Variants in CACNA1H observed in about 807,000 individuals in gnomAD.
CACNA1H encodes calcium voltage-gated channel subunit alpha1 H.
CACNA1H carries 149 observed loss-of-function variants against 192.5 expected under a neutral mutation model. The observed-to-expected ratio is 0.77, with a 90% CI of 0.68 to 0.89. CACNA1H has a LOEUF of 0.89. Ranked by LOEUF, CACNA1H falls within the 40% of genes least tolerant of loss-of-function variation. CACNA1H has a pLI of 0.00. For missense variants in CACNA1H, 4,257 were observed against 3,423.5 expected (o/e 1.24, Z -6.08); for synonymous variants, 2,202 against 1,475.2 (o/e 1.49, Z -11.29).
chr16:1,186,926 C>T (rs868340345), intron 2 of CACNA1H, among the ~76,000 whole-genome samples: 23 of 152,268 alleles, frequency 1.5e-4, no homozygotes, highest in African/African-American at 5.3e-4. Flanking sequence ...GGGGTGGACA[C>T]GGACACAGGG....
At chr16:1,213,153 C>G (rs896434584) in intron 26 of CACNA1H, among the ~76,000 whole-genome samples, 1 of 152,228 alleles carries the variant, frequency 6.6e-6, no homozygotes, top group Admixed American at 6.5e-5. Flanking sequence ...CCGGCAGACC[C>G]TAGACCACAG....
chr16:1,170,122 C>G (rs1464895506), intron 2 of CACNA1H, among the ~76,000 whole-genome samples: 1 of 152,228 alleles, frequency 6.6e-6, no homozygotes, highest in African/African-American at 2.4e-5. Context: ...CTGGGGGGTG[C>G]AGGGTCTGCC....
At chr16:1,212,243 A>G (rs1051787518) in intron 25 of CACNA1H, 105 bp downstream of exon 25, 228 of 1,437,994 alleles carry the variant, frequency 1.6e-4, no homozygotes, top group Non-Finnish European at 2.1e-4. Flanking sequence ...ATGGCTCTGC[A>G]CGCCACCCGC....
chr16:1,205,185 G>A lies in CACNA1H; in HGVS notation c.2523G>A (p.Leu841=). 1 of 1,613,112 alleles carries A rather than the reference G, an allele frequency of 6.2e-7. No individual in the cohort carries two copies. The highest frequency in any genetic ancestry group is 8.5e-7 in the Non-Finnish European group (1 of 1,179,774). The part of the protein sequence containing the change: ...VFTSMFALEM[L]LKLLACGPLG... Reference sequence around the variant, plus strand: ...CCAGCATGTTTGCCCTGGAGATGCTGCTGAAGCTGCTGGCCTGCGGCCCTC... The same window carrying A: ...CCAGCATGTTTGCCCTGGAGATGCTACTGAAGCTGCTGGCCTGCGGCCCTC... Residue 841 remains leucine (L), a synonymous_variant, in exon 11 of 35, where the codon CTG becomes CTA. Transcript: ENST00000348261.
chr16:1,166,341 A>G (rs893750169), intron 2 of CACNA1H, among the ~76,000 whole-genome samples: 1 of 152,126 alleles, frequency 6.6e-6, no homozygotes. Context: ...GCTCCAGGCC[A>G]AGTAACGGTG....
rs374297068 is a variant in CACNA1H at position 1,210,564 on chromosome 16, C to A, written c.3970-19C>A. The A allele has an allele frequency of 1.1e-5, 18 of 1,609,916 alleles. No individual in the cohort carries two copies. The African/African-American group carries it at 2.4e-4, about 21-fold the overall frequency. On this transcript the variant is annotated intron_variant, in intron 19 of 34. Transcript: ENST00000348261. ...GAGGGGTGGAGTGGACACAGCCCCCCACCGTCCTCTCCCGGCAGGAGCGGG... is the reference window on the plus strand; with the variant it reads ...GAGGGGTGGAGTGGACACAGCCCCCAACCGTCCTCTCCCGGCAGGAGCGGG...
chr16:1,208,064 G>A lies in CACNA1H; in HGVS notation c.3206G>A (p.Arg1069Gln), dbSNP rs57633676. 1,623 of 1,605,378 alleles carry A rather than the reference G, an allele frequency of 1.0e-3. 11 individuals are homozygous for A. The African/African-American group carries it at 0.019, about 18-fold the overall frequency. ...ACCCCCAACGGGCACCTGGAGGGAC[G>A]AGGCAGCCTGTCCCCTCCCCTCATC... ...AVTPNGHLEGRGSLSPPLIMC... is the reference protein window; with the variant it reads ...AVTPNGHLEGQGSLSPPLIMC... The change falls in exon 16 of 35, where the codon CGA becomes CAA. Residue 1069 changes from arginine (R) to glutamine (Q), a missense_variant. Coordinates refer to ENST00000348261, the MANE Select transcript of CACNA1H (RefSeq NM_021098.3).
intron 33 of CACNA1H, 74 bp downstream of exon 33, chr16:1,218,725 G>C: frequency 8.0e-7 from 1 of 1,242,454 alleles, no homozygotes; most frequent in Non-Finnish European, 1.1e-6. Flanking sequence ...AGGTGGGAGG[G>C]AGGATGGGGT....
intron 2 of CACNA1H, among the ~76,000 whole-genome samples, chr16:1,165,675 C>G (rs868088124): frequency 6.6e-6 from 1 of 152,230 alleles, no homozygotes; most frequent in Non-Finnish European, 1.5e-5. Context: ...TGGCTGCACG[C>G]TGGGGTCACC....
At chr16:1,177,733 T>C (rs1288094487) in intron 2 of CACNA1H, among the ~76,000 whole-genome samples, 2 of 151,486 alleles carry the variant, frequency 1.3e-5, no homozygotes, top group Non-Finnish European at 2.9e-5. Context: ...GGGCCACTTC[T>C]GGGTGCAGAC....
chr16:1,203,031 C>T (rs766197319), intron 9 of CACNA1H, among the ~76,000 whole-genome samples: 6 of 151,512 alleles, frequency 4.0e-5, no homozygotes, highest in African/African-American at 9.7e-5. Flanking sequence ...CCTGGGGGCC[C>T]TTCCTGGTTC....
chr16:1,212,059 G>C lies in CACNA1H; in HGVS notation c.4680G>C (p.Lys1560Asn). ...FVGVVVENFH[K>N]CRQHQEAEEA... ...GCGTCGTGGTCGAGAACTTCCACAAGTGCCGGCAGCACCAGGAGGCGGAGG... is the reference window on the plus strand; with the variant it reads ...GCGTCGTGGTCGAGAACTTCCACAACTGCCGGCAGCACCAGGAGGCGGAGG... Residue 1560 changes from lysine (K) to asparagine (N), a missense_variant, in exon 25 of 35, where the codon AAG becomes AAC. Lys to Asn is a moderately conservative substitution (Grantham distance 94). Coordinates refer to ENST00000348261, the MANE Select transcript of CACNA1H (RefSeq NM_021098.3). The C allele has an allele frequency of 6.2e-7, 1 of 1,613,174 alleles. No homozygotes were observed. Among genetic ancestry groups the C allele is most frequent in the Non-Finnish European group, 8.5e-7 (1 of 1,179,664 alleles).
At position 1,202,369 on chromosome 16, in the gene CACNA1H, C is replaced by A. The variant is rs61734410; in HGVS notation, c.1919C>A (p.Pro640Gln). ...PGPKGKWAGGPPGTGGHGPLS... is the reference protein window; with the variant it reads ...PGPKGKWAGGQPGTGGHGPLS... The stretch of plus-strand genomic sequence containing the variant: ...CCCAAGGGGAAGTGGGCCGGTGGAC[C>A]GCCAGGCACCGGGGGGCACGGCCCG... Residue 640 changes from proline to glutamine, a missense_variant, in exon 9 of 35, where the codon CCG becomes CAG. Coordinates refer to ENST00000348261, the MANE Select transcript of CACNA1H (RefSeq NM_021098.3). The A allele has an allele frequency of 1.9e-6, 3 of 1,557,546 alleles. No individual in the cohort carries two copies. The highest frequency in any genetic ancestry group is 2.6e-6 in the Non-Finnish European group (3 of 1,152,892).
intron 2 of CACNA1H, among the ~76,000 whole-genome samples, chr16:1,182,033 C>G (rs1965530461): frequency 6.6e-6 from 1 of 152,362 alleles, no homozygotes; most frequent in East Asian, 1.9e-4. Context: ...TTCCGGCCCT[C>G]CCTGTCTCCC....
In CACNA1H at chr16:1,201,756, C is replaced by G; in HGVS notation, c.1306C>G (p.Gln436Glu). The G allele has an allele frequency of 6.2e-7, 1 of 1,608,568 alleles. No individual in the cohort carries two copies. The highest frequency in any genetic ancestry group is 8.5e-7 in the Non-Finnish European group (1 of 1,178,368). ...KQRESQLMRE[Q>E]RARHLSNDST... ...GCGGGAGAGTCAGCTGATGCGGGAG[C>G]AGCGGGCACGCCACCTGTCCAACGA... Residue 436 changes from glutamine (Q) to glutamate (E), a missense_variant, in exon 9 of 35, where the codon CAG (glutamine) becomes GAG (glutamate). Coordinates refer to ENST00000348261, the MANE Select transcript of CACNA1H (RefSeq NM_021098.3).
rs554859316 is a variant in CACNA1H at position 1,180,813 on chromosome 16, C to G, written c.300-14159C>G. On this transcript the variant is annotated intron_variant, in intron 2 of 34. Coordinates refer to ENST00000348261, the MANE Select transcript of CACNA1H (RefSeq NM_021098.3). The surrounding 1 kb of genome is among the most constrained non-coding windows in gnomAD (Gnocchi z 4.4). Reference sequence around the variant, plus strand: ...GAAGAGGACCAGAGTGAGGTCAGCCCTGGTCCACAGCCACCCCGCCCTGGA... The same window carrying G: ...GAAGAGGACCAGAGTGAGGTCAGCCGTGGTCCACAGCCACCCCGCCCTGGA... Among the ~76,000 whole-genome samples, 1 of 152,280 alleles carries G rather than the reference C, an allele frequency of 6.6e-6. No homozygotes were observed. Among genetic ancestry groups the G allele is most frequent in the East Asian group, 1.9e-4 (1 of 5,174 alleles).
chr16:1,188,648 C>T (rs985401850), intron 2 of CACNA1H, among the ~76,000 whole-genome samples: 5 of 152,226 alleles, frequency 3.3e-5, no homozygotes, highest in Non-Finnish European at 7.3e-5. Flanking sequence ...AAAACGGCGC[C>T]TTCAGAGCTA....
rs375590164 is a variant in CACNA1H, at chr16:1,201,839, C to T, written c.1389C>T (p.Tyr463=). Residue 463 remains tyrosine, a synonymous_variant, in exon 9 of 35, where the codon TAC becomes TAT. Coordinates refer to ENST00000348261, the MANE Select transcript of CACNA1H (RefSeq NM_021098.3). The part of the protein sequence containing the change: ...PGSCYEELLK[Y]VGHIFRKVKR... ...GCTGCTACGAAGAGCTGCTGAAGTACGTGGGCCACATATTCCGCAAGGTCA... is the reference window on the plus strand; with the variant it reads ...GCTGCTACGAAGAGCTGCTGAAGTATGTGGGCCACATATTCCGCAAGGTCA... The T allele has an allele frequency of 1.8e-4, 284 of 1,572,122 alleles. No homozygotes were observed. Among genetic ancestry groups the T allele is most frequent in the South Asian group, 8.7e-4 (75 of 85,830 alleles).
chr16:1,204,199 C>G lies in CACNA1H; in HGVS notation c.2192C>G (p.Thr731Arg), dbSNP rs779476529. 1 of 1,612,168 alleles carries G rather than the reference C, an allele frequency of 6.2e-7. No homozygotes were observed. Among genetic ancestry groups the G allele is most frequent in the East Asian group, 2.2e-5 (1 of 44,874 alleles). ...GATGGCCGTGGCGTCTATGAATTCA[C>G]GCAGGACGTCCGGCACGGTGACCGC... ...DSDGRGVYEF[T>R]QDVRHGDRWD... The change falls in exon 10 of 35, where the codon ACG becomes AGG. Residue 731 changes from threonine to arginine, a missense_variant. By Grantham distance (71) the Thr-to-Arg change is moderately conservative. Transcript: ENST00000348261.
Sources: gnomAD v4.1 joint callset for allele counts (sites outside exome capture counted in the v4.1 genomes callset) on GRCh38, gnomAD v4.1.1 for gene constraint, Gnocchi (gnomAD v3.1) non-coding constraint, MANE v1.5 for transcripts, NCBI Gene and HGNC (gene_info 2026-07-23, HGNC 2026-07-21) for gene names.